Variants in STING1 observed in about 807,000 individuals in gnomAD.
STING1 encodes the protein stimulator of interferon genes protein.
Under a neutral mutation model 31.6 loss-of-function variants are expected in STING1, and 19 were observed. That is an observed-to-expected ratio of 0.60 (90% CI 0.42 to 0.88). STING1 has a LOEUF of 0.88. Among genes scored for constraint, STING1 ranks in the 40% least tolerant of loss-of-function variants. The pLI, the probability that STING1 is intolerant of heterozygous loss-of-function variation, is 0.00. For synonymous variants in STING1, 200 were observed against 208.6 expected (o/e 0.96, Z 0.35); for missense variants, 371 against 483.7 (o/e 0.77, Z 2.19).
At chr5:139,476,514 A>T in intron 7 of STING1, 60 bp from the exon 8 acceptor site, 1 of 1,494,392 alleles carries the variant, frequency 6.7e-7, no homozygotes, top group East Asian at 2.3e-5. Context: ...ACTCAAACAT[A>T]CCTAGAGAAC....
chr5:139,481,623 C>T lies in STING1; in HGVS notation c.82G>A (p.Ala28Thr), dbSNP rs1423922283. 6.2e-6 allele frequency: 10 copies of T among 1,613,356 alleles called. No homozygotes were observed. Among genetic ancestry groups the T allele is most frequent in the Non-Finnish European group, 8.5e-6 (10 of 1,179,802 alleles). The change falls in exon 3 of 8, where the codon GCC (alanine) becomes ACC (threonine). Residue 28 changes from alanine (A) to threonine (T), a missense_variant. Ala to Thr is a moderately conservative substitution (Grantham distance 58). Transcript: ENST00000330794. The surrounding 1 kb of genome is among the most constrained non-coding windows in gnomAD (Gnocchi z 4.1). ...AQKAALVLLS[A>T]CLVTLWGLGE... Reference sequence around the variant, plus strand: ...AGCCCCCAAAGGGTCACCAGGCAGGCACTCAGCAGAACCAAGGCTGCCTTC... The same window carrying T: ...AGCCCCCAAAGGGTCACCAGGCAGGTACTCAGCAGAACCAAGGCTGCCTTC...
At chr5:139,477,307 C>T in intron 7 of STING1, 22 bp downstream of exon 7, 10 of 1,610,740 alleles carry the variant, frequency 6.2e-6, no homozygotes, top group Non-Finnish European at 8.5e-6. Context: ...CCTATCAACC[C>T]CTCACCCTAC....
chr5:139,478,989 G>A (rs2152093732), intron 5 of STING1: 1 of 157,848 alleles, frequency 6.3e-6, no homozygotes, highest in East Asian at 1.8e-4. Context: ...AGCACTTTGG[G>A]AGGCTGAGGC....
In STING1 at chr5:139,476,331, A is replaced by G. The variant is rs749035321; in HGVS notation, c.1070T>C (p.Met357Thr). Residue 357 changes from methionine to threonine, a missense_variant, in exon 8 of 8, where the codon ATG (methionine) becomes ACG (threonine). By Grantham distance (81) the Met-to-Thr change is moderately conservative. Coordinates refer to ENST00000330794, the MANE Select transcript of STING1 (RefSeq NM_198282.4). ...GATGAGGAGCTCAGGCTCTTGGGAC[A>G]TCGTGGAGGTACTGGGCACCGCTGA... The part of the protein sequence containing the change: ...KTSAVPSTST[M>T]SQEPELLISG... The G allele has an allele frequency of 6.2e-7, 1 of 1,612,282 alleles. No individual in the cohort carries two copies. Among genetic ancestry groups the G allele is most frequent in the Non-Finnish European group, 8.5e-7 (1 of 1,179,700 alleles).
Position 139,481,161 on chromosome 5 carries a change from T to C in STING1, c.409A>G (p.Lys137Glu). ...SQALNILLGL[K>E]GLAPAEISAV... ...TTCTACCTCCCCCTGTGTCATACCT[T>C]GAGGCCCAGGAGGATGTTCAGTGCC... Residue 137 changes from lysine (K) to glutamate (E), a missense_variant and splice_region_variant, in exon 4 of 8, where the codon AAG (lysine) becomes GAG (glutamate). By Grantham distance (56) the Lys-to-Glu change is moderately conservative. Transcript: ENST00000330794. This position sits in a 1 kb window ranked among gnomAD's most constrained non-coding sequence, Gnocchi z 4.1. 6.2e-7 allele frequency: 1 copy of C among 1,614,134 alleles called. No homozygotes were observed. Among genetic ancestry groups the C allele is most frequent in the Non-Finnish European group, 8.5e-7 (1 of 1,180,010 alleles).
Position 139,476,183 on chromosome 5 carries a change from G to T in STING1, c.*78C>A. 8.5e-7 allele frequency: 1 copy of T among 1,176,062 alleles called. No individual in the cohort carries two copies. The highest frequency in any genetic ancestry group is 1.2e-6 in the Non-Finnish European group (1 of 834,540). The allele number at this position is 1,176,062 out of a possible 1,614,324, so 72.9% of individuals were successfully genotyped here. On this transcript the variant is annotated 3_prime_UTR_variant, in exon 8 of 8. Coordinates refer to ENST00000330794, the MANE Select transcript of STING1 (RefSeq NM_198282.4). ...CCTGTGGAAGGAAATAGCTCTGCTG[G>T]ACATTCAGCCACTGAAGAGAGCCCC...
chr5:139,475,722 T>A lies in STING1; in HGVS notation c.*539A>T, dbSNP rs1361156626. 1 of 152,022 alleles carries A rather than the reference T, an allele frequency of 6.6e-6. No individual in the cohort carries two copies. The highest frequency in any genetic ancestry group is 1.9e-4 in the East Asian group (1 of 5,158). The allele number at this position is 152,022 out of a possible 1,614,324, so 9.4% of individuals were successfully genotyped here. A position where few individuals can be genotyped will look rare whatever the true frequency, so the allele number is the denominator to read the frequency against. On this transcript the variant is annotated 3_prime_UTR_variant, in exon 8 of 8. Transcript: ENST00000330794. Reference sequence around the variant, plus strand: ...ACGCAAGAGTTGCCCGGCAGGAGAGTCCATAGCAACCTTGATGCTGCAGGG... The same window carrying A: ...ACGCAAGAGTTGCCCGGCAGGAGAGACCATAGCAACCTTGATGCTGCAGGG...
intron 7 of STING1, among the ~76,000 whole-genome samples, chr5:139,476,921 A>AG (rs397999408): frequency 6.6e-6 from 1 of 150,976 alleles, no homozygotes; most frequent in East Asian, 1.9e-4. Flanking sequence ...AAAAAAAAAA[A>AG]GTGATTTCAG....
At position 139,476,787 on chromosome 5, in the gene STING1, C is replaced by T. The variant is rs1398443243; in HGVS notation, c.947-333G>A. On this transcript the variant is annotated intron_variant, in intron 7 of 7. Coordinates refer to ENST00000330794, the MANE Select transcript of STING1 (RefSeq NM_198282.4). ...GGGCATGGTGGCGGGCGCCTGTAGTCCCAGCTACTTGGGAGGCTGAGGCAG... is the reference window on the plus strand; with the variant it reads ...GGGCATGGTGGCGGGCGCCTGTAGTTCCAGCTACTTGGGAGGCTGAGGCAG... 2.0e-5 allele frequency among the ~76,000 whole-genome samples: 3 copies of T among 151,954 alleles called. No individual in the cohort carries two copies. The East Asian group carries it at 5.8e-4, about 29-fold the overall frequency.
intron 6 of STING1, 46 bp downstream of exon 6, chr5:139,478,224 G>T: frequency 2.1e-6 from 3 of 1,454,898 alleles, no homozygotes; most frequent in Middle Eastern, 2.2e-4. Flanking sequence ...CAGGGTTCTG[G>T]GGTCCTGACC....
rs1751839303 is a variant in STING1 at position 139,481,332 on chromosome 5, T to C, written c.238A>G (p.Ser80Gly). The C allele has an allele frequency of 6.3e-7, 1 of 1,594,276 alleles. No individual in the cohort carries two copies. Among genetic ancestry groups the C allele is most frequent in the Non-Finnish European group, 8.5e-7 (1 of 1,169,622 alleles). ...LRHIHSRYRG[S>G]YWRTVRACLG... ...CAGGCCCGCACAGTCCTCCAGTAGC[T>C]GCCCCGGTACCTGTGAGTGACAGCC... The change falls in exon 4 of 8, where the codon AGC (serine) becomes GGC (glycine). Residue 80 changes from serine to glycine, a missense_variant. Transcript: ENST00000330794. The surrounding 1 kb of genome is among the most constrained non-coding windows in gnomAD (Gnocchi z 4.1).
At chr5:139,477,219 G>A (rs1751688749) in intron 7 of STING1, 110 bp downstream of exon 7, 1 of 1,158,060 alleles carries the variant, frequency 8.6e-7, no homozygotes, top group Non-Finnish European at 1.2e-6. Context: ...AGGAAGGACA[G>A]GCCCAGGGCA....
intron 7 of STING1, 124 bp from the exon 8 acceptor site, chr5:139,476,578 C>T (rs910162902): frequency 3.7e-6 from 3 of 800,782 alleles, no homozygotes; most frequent in Admixed American, 2.6e-5. Flanking sequence ...CAAGCCCCAG[C>T]CACTGGGACT....
chr5:139,477,320 A>G lies in STING1; in HGVS notation c.946+9T>C. 6.8e-6 allele frequency: 11 copies of G among 1,612,220 alleles called. No individual in the cohort carries two copies. The highest frequency in any genetic ancestry group is 9.3e-6 in the Non-Finnish European group (11 of 1,179,526). On this transcript the variant is annotated intron_variant, in intron 7 of 7. Transcript: ENST00000330794. ...AGCCTATCAACCCCTCACCCTACCAACCCCTCACCCTGGTAGGCAATGAGG... is the reference window on the plus strand; with the variant it reads ...AGCCTATCAACCCCTCACCCTACCAGCCCCTCACCCTGGTAGGCAATGAGG...
intron 5 of STING1, among the ~76,000 whole-genome samples, chr5:139,479,369 T>G (rs1650072701): frequency 6.6e-6 from 1 of 151,448 alleles, no homozygotes. Flanking sequence ...CTCTAAGCTA[T>G]GTGATATCGG....
rs572578878 is a variant in STING1, at chr5:139,480,686, C to G, written c.520+104G>C. ...AAAGGATTTGGTAGACATGAAAATG[C>G]TTTGAAAAATATAGTGAGTTCTGTG... On this transcript the variant is annotated intron_variant, in intron 5 of 7. Coordinates refer to ENST00000330794, the MANE Select transcript of STING1 (RefSeq NM_198282.4). The G allele has an allele frequency of 6.9e-6, 5 of 727,982 alleles. No homozygotes were observed. In the East Asian group the frequency reaches 1.3e-4, roughly 20 times the overall value. 45.1% of individuals were successfully genotyped at this position (727,982 alleles called of 1,614,324 possible).
Position 139,481,544 on chromosome 5 carries a change from A to G in STING1, c.161T>C (p.Leu54Pro), listed in dbSNP as rs1292788155. 6.2e-7 allele frequency: 1 copy of G among 1,613,888 alleles called. No individual in the cohort carries two copies. The highest frequency in any genetic ancestry group is 1.3e-5 in the African/African-American group (1 of 74,926). ...CCCGTTTAACAGCAGTCCCAGCTGC[A>G]GGGAGGCTAGGTGGAGCACCAGGTA... is the stretch of plus-strand genomic sequence containing the variant. ...LRYLVLHLAS[L>P]QLGLLLNGVC... Residue 54 changes from leucine to proline, a missense_variant, in exon 3 of 8, where the codon CTG becomes CCG. By Grantham distance (98) the Leu-to-Pro change is moderately conservative. Coordinates refer to ENST00000330794, the MANE Select transcript of STING1 (RefSeq NM_198282.4). The surrounding 1 kb of genome is among the most constrained non-coding windows in gnomAD (Gnocchi z 4.1).
chr5:139,478,234 C>T, intron 6 of STING1, 36 bp downstream of exon 6: 2 of 1,522,610 alleles, frequency 1.3e-6, no homozygotes, highest in Non-Finnish European at 1.8e-6. Flanking sequence ...GGGTCCTGAC[C>T]CCTCCTCAGA....
intron 7 of STING1, among the ~76,000 whole-genome samples, chr5:139,476,792 C>A (rs573252433): frequency 6.6e-6 from 1 of 151,716 alleles, no homozygotes; most frequent in South Asian, 2.1e-4. Flanking sequence ...GTAGTCCCAG[C>A]TACTTGGGAG....
Sources: allele counts gnomAD v4.1 joint callset (sites outside exome capture counted in the v4.1 genomes callset), GRCh38; gene constraint gnomAD v4.1.1; non-coding constraint Gnocchi (gnomAD v3.1); transcripts MANE v1.5; gene names NCBI Gene and HGNC (gene_info 2026-07-23, HGNC 2026-07-21).